Variants in NRG2 observed in about 807,000 individuals in gnomAD.
The protein encoded by NRG2 is neuregulin 2, also known as pro-neuregulin-2, membrane-bound isoform.
NRG2 carries 27 observed loss-of-function variants against 73.9 expected under a neutral mutation model. That is an observed-to-expected ratio of 0.37 (90% CI 0.27 to 0.50). The LOEUF (loss-of-function observed/expected upper bound fraction) is 0.50. NRG2 is among the 20% of genes least tolerant of loss of function. The probability of loss-of-function intolerance (pLI) is 0.96; values close to 1 mark genes in which losing one functional copy is unlikely to be tolerated. For synonymous variants in NRG2, 532 were observed against 541.0 expected (o/e 0.98, Z 0.23); for missense variants, 1,126 against 1,210.1 (o/e 0.93, Z 1.03).
At chr5:139,925,738 C>T (rs1255820632) in intron 1 of NRG2, among the ~76,000 whole-genome samples, 2 of 152,204 alleles carry the variant, frequency 1.3e-5, no homozygotes, top group Non-Finnish European at 2.9e-5. Context: ...AGGCCACGGG[C>T]AGTAGCCTGC....
Position 139,886,775 on chromosome 5 carries a change from G to A in NRG2, c.872+565C>T, listed in dbSNP as rs1763899574. ...GGGAACTTCTCTGATTCACTTCCCT[G>A]GAGCACTGATTCAGGATTAAAGACA... On this transcript the variant is annotated intron_variant, in intron 2 of 9. Transcript: ENST00000361474. Among the ~76,000 whole-genome samples, 3 of 152,186 alleles carry A rather than the reference G, an allele frequency of 2.0e-5. No homozygotes were observed. The South Asian group carries it at 6.2e-4, about 32-fold the overall frequency.
At chr5:139,939,977 A>C (rs1417398742) in intron 1 of NRG2, among the ~76,000 whole-genome samples, 1 of 152,246 alleles carries the variant, frequency 6.6e-6, no homozygotes, top group Non-Finnish European at 1.5e-5. Context: ...TAAATACAAA[A>C]GGTTGGGAAA....
intron 1 of NRG2, among the ~76,000 whole-genome samples, chr5:139,935,060 G>A (rs1355380753): frequency 2.6e-5 from 4 of 152,152 alleles, no homozygotes; most frequent in South Asian, 2.1e-4. Context: ...CCAGCTACTC[G>A]AGAGGCTGAG....
Position 139,928,169 on chromosome 5 carries a change from T to C in NRG2, c.701-40658A>G, listed in dbSNP as rs1752204133. 3.9e-5 allele frequency among the ~76,000 whole-genome samples: 6 copies of C among 152,284 alleles called. No homozygotes were observed. In the South Asian group the frequency reaches 1.2e-3, roughly 32 times the overall value. On this transcript the variant is annotated intron_variant, in intron 1 of 9. Coordinates refer to ENST00000361474, the MANE Select transcript of NRG2 (RefSeq NM_004883.3). Reference sequence around the variant, plus strand: ...AGGACTCTTAGAATCAGAGCTGCCATTGTGACAACGAGAACAAGTGAGCAT... The same window carrying C: ...AGGACTCTTAGAATCAGAGCTGCCACTGTGACAACGAGAACAAGTGAGCAT...
intron 1 of NRG2, among the ~76,000 whole-genome samples, chr5:139,911,869 G>A (rs752466187): frequency 1.1e-4 from 17 of 152,182 alleles, no homozygotes; most frequent in Non-Finnish European, 2.2e-4. Flanking sequence ...GCCTATGTAA[G>A]TACCTAATTT....
intron 1 of NRG2, among the ~76,000 whole-genome samples, chr5:139,911,507 G>A (rs1341610740): frequency 1.3e-5 from 2 of 152,308 alleles, no homozygotes; most frequent in East Asian, 3.9e-4. Flanking sequence ...GAAGCCCATG[G>A]TTGTTGTTTG....
chr5:139,973,326 G>A (rs1296388041), intron 1 of NRG2, among the ~76,000 whole-genome samples: 1 of 152,100 alleles, frequency 6.6e-6, no homozygotes, highest in African/African-American at 2.4e-5. Context: ...AAACACAGCT[G>A]TTATCACAGA....
At chr5:139,946,083 G>A (rs1261110629) in intron 1 of NRG2, among the ~76,000 whole-genome samples, 1 of 151,954 alleles carries the variant, frequency 6.6e-6, no homozygotes, top group Non-Finnish European at 1.5e-5. Flanking sequence ...TCAAATTCCT[G>A]GCTTGCTTTT....
intron 1 of NRG2, among the ~76,000 whole-genome samples, chr5:139,966,621 T>C (rs1007451016): frequency 6.6e-6 from 1 of 152,028 alleles, no homozygotes; most frequent in Non-Finnish European, 1.5e-5. Context: ...AAGAGGTTAG[T>C]ATATGCAAGA....
chr5:140,037,983 A>T (rs1761637905), intron 1 of NRG2, among the ~76,000 whole-genome samples: 1 of 151,780 alleles, frequency 6.6e-6, no homozygotes, highest in Non-Finnish European at 1.5e-5. Context: ...AGAATAAATT[A>T]TTCCTGAATA....
intron 1 of NRG2, among the ~76,000 whole-genome samples, chr5:139,938,883 GGAAAGAAAGAAAGAAAGAAAGAAA>G (rs1332080248): frequency 2.7e-4 from 13 of 48,220 alleles, no homozygotes; most frequent in African/African-American, 9.8e-4. Context: ...AGAGAGAGAA[GGAAAGAAAGAAAGAAAGAAAGAAA>G]AGAAAGAAAG....
chr5:139,938,925 GA>G, intron 1 of NRG2, among the ~76,000 whole-genome samples: 2 of 106,982 alleles, frequency 1.9e-5, no homozygotes, highest in Non-Finnish European at 3.9e-5. Context: ...AAGAAAGAAA[GA>G]AAGAAAGAAA....
chr5:139,853,060 T>A lies in NRG2; in HGVS notation c.1293-33A>T, dbSNP rs1561624533. The stretch of plus-strand genomic sequence containing the variant: ...AGGGAAGGGAAGGTGAGGCTGGCAT[T>A]CCCCCCACTCGCCAACGATGAACTT... On this transcript the variant is annotated intron_variant, in intron 6 of 9. Coordinates refer to ENST00000361474, the MANE Select transcript of NRG2 (RefSeq NM_004883.3). The surrounding 1 kb of genome is among the most constrained non-coding windows in gnomAD (Gnocchi z 4.1). The A allele has an allele frequency of 1.4e-5, 23 of 1,610,372 alleles. No individual in the cohort carries two copies. Among genetic ancestry groups the A allele is most frequent in the Non-Finnish European group, 2.0e-5 (23 of 1,178,716 alleles).
At chr5:139,886,634 G>A in intron 2 of NRG2, among the ~76,000 whole-genome samples, 1 of 152,212 alleles carries the variant, frequency 6.6e-6, no homozygotes, top group Non-Finnish European at 1.5e-5. Flanking sequence ...TTCTCCTTGA[G>A]AGGCAGCAGA....
chr5:139,942,969 T>C (rs1437772459), intron 1 of NRG2, among the ~76,000 whole-genome samples: 3 of 152,108 alleles, frequency 2.0e-5, no homozygotes, highest in East Asian at 1.9e-4. Context: ...GACTACTGAG[T>C]AGCTGAGACT....
At chr5:140,005,914 C>T (rs1050138665) in intron 1 of NRG2, among the ~76,000 whole-genome samples, 4 of 152,198 alleles carry the variant, frequency 2.6e-5, no homozygotes, top group Admixed American at 6.5e-5. Flanking sequence ...CTCCACCTCA[C>T]GTGTGATCCT....
chr5:139,863,325 G>T (rs989961295), intron 5 of NRG2, among the ~76,000 whole-genome samples: 1 of 152,244 alleles, frequency 6.6e-6, no homozygotes, highest in Non-Finnish European at 1.5e-5. Context: ...AGCAGTACAT[G>T]AAGTGCTCTC....
At chr5:139,968,645 C>A (rs1451040346) in intron 1 of NRG2, among the ~76,000 whole-genome samples, 3 of 152,224 alleles carry the variant, frequency 2.0e-5, no homozygotes, top group Non-Finnish European at 4.4e-5. Context: ...ACACTGGGAG[C>A]TCTCCGTTCG....
intron 5 of NRG2, chr5:139,861,896 T>A (rs965470422): frequency 2.3e-6 from 1 of 443,436 alleles, no homozygotes; most frequent in East Asian, 7.0e-5. Context: ...CCACAACACC[T>A]GGGACGCAAA....
Sources: allele counts gnomAD v4.1 joint callset (sites outside exome capture counted in the v4.1 genomes callset), GRCh38; gene constraint gnomAD v4.1.1; non-coding constraint Gnocchi (gnomAD v3.1); transcripts MANE v1.5; gene names NCBI Gene and HGNC (gene_info 2026-07-23, HGNC 2026-07-21).